SPINT4: variants seen among roughly 807,000 people sequenced by gnomAD.
SPINT4 encodes serine peptidase inhibitor, Kunitz type 4.
In SPINT4, 7 loss-of-function variants were observed where a neutral mutation model predicts 9.4. That is an observed-to-expected ratio of 0.74 (90% confidence interval 0.42 to 1.40). The LOEUF is 1.40. Among genes scored for constraint, SPINT4 ranks in the 40% most tolerant of loss-of-function variants. The probability of loss-of-function intolerance (pLI) is 0.01; values close to 1 mark genes in which losing one functional copy is unlikely to be tolerated. For synonymous variants in SPINT4, 36 were observed against 39.9 expected (o/e 0.90, Z 0.37); for missense variants, 105 against 114.4 (o/e 0.92, Z 0.37).
intron 2 of SPINT4, among the ~76,000 whole-genome samples, chr20:45,724,414 G>A (rs1984879165): frequency 1.3e-5 from 2 of 151,106 alleles, no homozygotes; most frequent in African/African-American, 4.9e-5. Flanking sequence ...CTTGAACCCG[G>A]GAGGGTTCAA....
intron 2 of SPINT4, 145 bp downstream of exon 2, chr20:45,724,202 G>A: frequency 1.1e-6 from 1 of 872,968 alleles, no homozygotes; most frequent in South Asian, 1.9e-5. Flanking sequence ...TTTAACAGTT[G>A]GGTTGGCCGG....
chr20:45,724,995 A>ATATATATAT (rs1555808982), intron 2 of SPINT4, among the ~76,000 whole-genome samples: 1 of 36,422 alleles, frequency 2.7e-5, no homozygotes, highest in Non-Finnish European at 4.3e-5. Flanking sequence ...AAAAAAAAAA[A>ATATATATAT]ATATATATAT....
chr20:45,722,443 G>A lies in SPINT4; in HGVS notation c.76G>A (p.Val26Ile). ...ATTGAATACCCTGTTATTGGGTGGT[G>A]TTAATAAAATTGCGGAGAAGATATG... is the stretch of plus-strand genomic sequence containing the variant. ...CSLNTLLLGG[V>I]NKIAEKICGD... is the part of the protein sequence containing the mutation. The change falls in exon 1 of 3, where the codon GTT becomes ATT. Residue 26 changes from valine to isoleucine, a missense_variant. Val to Ile is a conservative substitution (Grantham distance 29). Transcript: ENST00000279058. The A allele has an allele frequency of 6.2e-7, 1 of 1,613,560 alleles. No homozygotes were observed. The highest frequency in any genetic ancestry group is 8.5e-7 in the Non-Finnish European group (1 of 1,179,474).
At chr20:45,722,670 A>C (rs1257785231) in intron 1 of SPINT4, among the ~76,000 whole-genome samples, 188 bp downstream of exon 1, 1 of 152,036 alleles carries the variant, frequency 6.6e-6, no homozygotes, top group Non-Finnish European at 1.5e-5. Flanking sequence ...GATGAGAAAA[A>C]ACAGAAATGA....
At chr20:45,723,108 ATG>A (rs1352825070) in intron 1 of SPINT4, among the ~76,000 whole-genome samples, 2 of 152,120 alleles carry the variant, frequency 1.3e-5, no homozygotes, top group Non-Finnish European at 2.9e-5. Context: ...CAGTTTCCCC[ATG>A]TGTAAAATGA....
chr20:45,722,933 T>C (rs961612819), intron 1 of SPINT4, among the ~76,000 whole-genome samples: 1 of 152,098 alleles, frequency 6.6e-6, no homozygotes, highest in Non-Finnish European at 1.5e-5. Context: ...TGAGAGGCAA[T>C]GAGACTTTCT....
rs575330755 is a variant in SPINT4, at chr20:45,725,508, C to G, written c.294-121C>G. 30 of 971,532 alleles carry G rather than the reference C, an allele frequency of 3.1e-5. No individual in the cohort carries two copies. The African/African-American group carries it at 4.4e-4, about 14-fold the overall frequency. The allele number at this position is 971,532 out of a possible 1,614,324, so 60.2% of individuals were successfully genotyped here. On this transcript the variant is annotated intron_variant, in intron 2 of 2. Coordinates refer to ENST00000279058, the MANE Select transcript of SPINT4 (RefSeq NM_178455.3). ...AGATTAATCAATAAAATAAGGGAAA[C>G]ATTGAGATAGAAGGCATCCTCTGTG...
At chr20:45,722,986 G>C (rs1984837539) in intron 1 of SPINT4, among the ~76,000 whole-genome samples, 1 of 152,086 alleles carries the variant, frequency 6.6e-6, no homozygotes, top group African/African-American at 2.4e-5. Flanking sequence ...CAGGGGACGA[G>C]AAAGTAGCAC....
At chr20:45,723,470 G>A (rs1984850500) in intron 1 of SPINT4, among the ~76,000 whole-genome samples, 1 of 150,896 alleles carries the variant, frequency 6.6e-6, no homozygotes, top group Non-Finnish European at 1.5e-5. Flanking sequence ...GTATGAAACT[G>A]GGGAGGAGGC....
At chr20:45,725,328 T>A (rs1228593776) in intron 2 of SPINT4, among the ~76,000 whole-genome samples, 1 of 151,890 alleles carries the variant, frequency 6.6e-6, no homozygotes, top group Non-Finnish European at 1.5e-5. Context: ...AGGGCTGTGG[T>A]TTGGCTGATT....
intron 1 of SPINT4, among the ~76,000 whole-genome samples, chr20:45,722,984 G>A (rs994399183): frequency 1.3e-5 from 2 of 152,046 alleles, no homozygotes; most frequent in Non-Finnish European, 2.9e-5. Context: ...TCCAGGGGAC[G>A]AGAAAGTAGC....
At position 45,725,685 on chromosome 20, in the gene SPINT4, A is replaced by G; in HGVS notation, c.*50A>G. The G allele has an allele frequency of 1.9e-6, 3 of 1,607,814 alleles. No homozygotes were observed. The highest frequency in any genetic ancestry group is 2.6e-6 in the Non-Finnish European group (3 of 1,174,320). On this transcript the variant is annotated 3_prime_UTR_variant, in exon 3 of 3. Transcript: ENST00000279058. ...CTGCTGCACCATCCGAAATAAAGAC[A>G]CAAGAAAATTCAGACTGATTTTGAA...
chr20:45,724,991 A>AT (rs1476541039), intron 2 of SPINT4, among the ~76,000 whole-genome samples: 4 of 41,360 alleles, frequency 9.7e-5, no homozygotes, highest in Non-Finnish European at 1.6e-4. Context: ...AAAAAAAAAA[A>AT]AAAAATATAT....
intron 2 of SPINT4, among the ~76,000 whole-genome samples, chr20:45,724,473 A>G (rs1984881342): frequency 6.8e-6 from 1 of 146,896 alleles, no homozygotes. Context: ...CGCGCCATCC[A>G]TTGCACTCCA....
Position 45,725,013 on chromosome 20 carries a change from T to TATATATACACACAC in SPINT4, c.294-609_294-608insCACACACATATATA, listed in dbSNP as rs772192688. On this transcript the variant is annotated intron_variant, in intron 2 of 2. Coordinates refer to ENST00000279058, the MANE Select transcript of SPINT4 (RefSeq NM_178455.3). The stretch of plus-strand genomic sequence containing the variant: ...AAAAAAAAATATATATATATATATA[T>TATATATACACACAC]ATATATATATATATCAATAGATATA... Among the ~76,000 whole-genome samples, 4 of 49,506 alleles carry TATATATACACACAC rather than the reference T, an allele frequency of 8.1e-5. 2 individuals are homozygous for TATATATACACACAC. Among genetic ancestry groups the TATATATACACACAC allele is most frequent in the African/African-American group, 6.2e-4 (4 of 6,458 alleles). The allele number at this position is 49,506 out of a possible 152,430, so 32.5% of individuals were successfully genotyped here. A position where few individuals can be genotyped will look rare whatever the true frequency, so the allele number is the denominator to read the frequency against.
Position 45,722,372 on chromosome 20 carries a change from A to G in SPINT4, c.5A>G (p.Lys2Arg). The stretch of plus-strand genomic sequence containing the variant: ...CTGCCTGCTGCTTGCTGCACCATGA[A>G]GTCTGCCAAGCTGGGATTTCTTCTA... MKSAKLGFLLRF... is the reference protein window; with the variant it reads MRSAKLGFLLRF... Residue 2 changes from lysine to arginine, a missense_variant, in exon 1 of 3, where the codon AAG becomes AGG. By Grantham distance (26) the Lys-to-Arg change is conservative (BLOSUM62 2). Coordinates refer to ENST00000279058, the MANE Select transcript of SPINT4 (RefSeq NM_178455.3). The G allele has an allele frequency of 6.2e-7, 1 of 1,608,472 alleles. No individual in the cohort carries two copies.
chr20:45,722,560 T>C (rs1475469517), intron 1 of SPINT4, 78 bp downstream of exon 1: 5 of 1,065,780 alleles, frequency 4.7e-6, no homozygotes, highest in East Asian at 4.8e-5. Context: ...AAGTGTGTTA[T>C]CTAGGTAGTC....
rs1382547724 is a variant in SPINT4, at chr20:45,723,927, T to G, written c.163T>G (p.Phe55Val). 5 of 1,605,212 alleles carry G rather than the reference T, an allele frequency of 3.1e-6. No homozygotes were observed. The highest frequency in any genetic ancestry group is 4.2e-6 in the Non-Finnish European group (5 of 1,177,830). ...TTTTGGAAGCTGCTATGAAGTTCAC[T>G]TTAGATATTTCTACAACAGAACCTC... is the stretch of plus-strand genomic sequence containing the variant. ...MNFGSCYEVHFRYFYNRTSKR... is the reference protein window; with the variant it reads ...MNFGSCYEVHVRYFYNRTSKR... Residue 55 changes from phenylalanine (F) to valine (V), a missense_variant, in exon 2 of 3, where the codon TTT (phenylalanine) becomes GTT (valine). By Grantham distance (50) the Phe-to-Val change is conservative. Transcript: ENST00000279058.
intron 2 of SPINT4, among the ~76,000 whole-genome samples, chr20:45,724,933 T>G (rs1984897002): frequency 8.5e-6 from 1 of 117,308 alleles, no homozygotes. Context: ...TGAGCCAAGA[T>G]CATGCCACTG....
Sources: allele counts gnomAD v4.1 joint callset (sites outside exome capture counted in the v4.1 genomes callset), GRCh38; gene constraint gnomAD v4.1.1; transcripts MANE v1.5; gene names NCBI Gene and HGNC (gene_info 2026-07-23, HGNC 2026-07-21).